GRIK4: variants seen among roughly 807,000 people sequenced by gnomAD.
The protein encoded by GRIK4 is glutamate ionotropic receptor kainate type subunit 4, also known as glutamate receptor ionotropic, kainate 4.
A neutral mutation model predicts 104.9 loss-of-function variants in GRIK4; 40 were observed. That is an observed-to-expected ratio of 0.38 (90% CI 0.30 to 0.50). The LOEUF (loss-of-function observed/expected upper bound fraction) is 0.50. GRIK4 is among the 20% of genes least tolerant of loss of function. The pLI is 0.93. For synonymous variants in GRIK4, 485 were observed against 524.9 expected (o/e 0.92, Z 1.04); for missense variants, 1,047 against 1,308.1 (o/e 0.80, Z 3.08).
chr11:120,546,356 G>A (rs2252490), intron 1 of GRIK4, among the ~76,000 whole-genome samples: 2 of 151,914 alleles, frequency 1.3e-5, no homozygotes, highest in East Asian at 1.9e-4. Context: ...CCGGAAAAGT[G>A]GTCAGGGGCA....
intron 1 of GRIK4, among the ~76,000 whole-genome samples, chr11:120,565,926 C>G (rs1948316419): frequency 6.6e-6 from 1 of 152,154 alleles, no homozygotes; most frequent in African/African-American, 2.4e-5. Context: ...CGTGGTTATT[C>G]TGGGCTTGGG....
chr11:120,671,204 T>G (rs973723175), intron 3 of GRIK4, among the ~76,000 whole-genome samples: 1 of 152,182 alleles, frequency 6.6e-6, no homozygotes, highest in African/African-American at 2.4e-5. Flanking sequence ...TTATAATCCT[T>G]TGGGTATATA....
chr11:120,763,347 G>T (rs1951781309), intron 3 of GRIK4, among the ~76,000 whole-genome samples: 1 of 151,886 alleles, frequency 6.6e-6, no homozygotes, highest in Admixed American at 6.6e-5. Flanking sequence ...TTCTTTATTA[G>T]TCTGGTTAGT....
chr11:120,987,292 G>A lies in GRIK4; in HGVS notation c.*1032G>A, dbSNP rs1944771938. On this transcript the variant is annotated 3_prime_UTR_variant, in exon 21 of 21. Transcript: ENST00000527524. ...AACGTGCCGTTCACAGAGGCGGAAG[G>A]ACTGGGCCACCCCGTTGGTATGGTG... is the stretch of plus-strand genomic sequence containing the variant. 6.6e-6 allele frequency: 1 copy of A among 152,228 alleles called. No individual in the cohort carries two copies. The highest frequency in any genetic ancestry group is 2.4e-5 in the African/African-American group (1 of 41,460). 9.4% of individuals were successfully genotyped at this position (152,228 alleles called of 1,614,324 possible).
chr11:120,868,560 A>C (rs76534762), intron 9 of GRIK4: 1 of 149,320 alleles, frequency 6.7e-6, no homozygotes, highest in Non-Finnish European at 1.5e-5. Flanking sequence ...CCTTCCCCTG[A>C]TGAGCCCAGA....
chr11:120,707,647 A>G (rs554983861), intron 3 of GRIK4, among the ~76,000 whole-genome samples: 1 of 152,364 alleles, frequency 6.6e-6, no homozygotes, highest in South Asian at 2.1e-4. Flanking sequence ...TACTTTGGGC[A>G]AGGCTCAGTA....
Position 120,940,316 on chromosome 11 carries a change from C to G in GRIK4, c.1477-31C>G, listed in dbSNP as rs767516714. 2 of 1,388,302 alleles carry G rather than the reference C, an allele frequency of 1.4e-6. No homozygotes were observed. The highest frequency in any genetic ancestry group is 2.9e-5 in the African/African-American group (2 of 70,174). The allele number at this position is 1,388,302 out of a possible 1,614,324, so 86.0% of individuals were successfully genotyped here. A position where few individuals can be genotyped will look rare whatever the true frequency, so the allele number is the denominator to read the frequency against. ...TCTGTGCCTCTTCTCCTATGGCCAC[C>G]CCACTGACGGGCTGTCTCTGTTCTT... On this transcript the variant is annotated intron_variant, in intron 13 of 20. Coordinates refer to ENST00000527524, the MANE Select transcript of GRIK4 (RefSeq NM_014619.5). The surrounding 1 kb of genome is among the most constrained non-coding windows in gnomAD (Gnocchi z 4.3).
chr11:120,714,397 AT>A (rs1006371035), intron 3 of GRIK4, among the ~76,000 whole-genome samples: 1 of 151,978 alleles, frequency 6.6e-6, no homozygotes, highest in Non-Finnish European at 1.5e-5. Context: ...CGCGCTATTT[AT>A]TTTTTCTTTC....
At chr11:120,802,964 G>T (rs1368133197) in intron 4 of GRIK4, 107 bp downstream of exon 4, 1 of 959,234 alleles carries the variant, frequency 1.0e-6, no homozygotes, top group African/African-American at 1.6e-5. Flanking sequence ...ATCTGATGTC[G>T]ATATTTCCAG....
chr11:120,902,495 C>A lies in GRIK4; in HGVS notation c.1273-2795C>A, dbSNP rs1942763455. Among the ~76,000 whole-genome samples the A allele has an allele frequency of 6.6e-6, 1 of 152,138 alleles. No individual in the cohort carries two copies. Among genetic ancestry groups the A allele is most frequent in the Non-Finnish European group, 1.5e-5 (1 of 68,028 alleles). ...AATTTGTGACACCCCTTGGGACAAT[C>A]AAAGATACAATGGGACATTACCAGT... On this transcript the variant is annotated intron_variant, in intron 12 of 20. Transcript: ENST00000527524. The surrounding 1 kb of genome is among the most constrained non-coding windows in gnomAD (Gnocchi z 4.5).
chr11:120,912,345 G>A (rs1943018372), intron 13 of GRIK4, among the ~76,000 whole-genome samples: 1 of 152,204 alleles, frequency 6.6e-6, no homozygotes, highest in East Asian at 1.9e-4. Flanking sequence ...GCAGGCTGAA[G>A]GCGTAGACTG....
chr11:120,536,480 C>T (rs1361216030), intron 1 of GRIK4, among the ~76,000 whole-genome samples: 1 of 152,206 alleles, frequency 6.6e-6, no homozygotes, highest in African/African-American at 2.4e-5. Context: ...GCTGGTTGAA[C>T]AATTGGACCT....
intron 3 of GRIK4, among the ~76,000 whole-genome samples, chr11:120,787,028 T>C (rs1952293284): frequency 6.6e-6 from 1 of 152,216 alleles, no homozygotes; most frequent in African/African-American, 2.4e-5. Flanking sequence ...ATTAAAATCA[T>C]AGTATTTGAC....
intron 3 of GRIK4, among the ~76,000 whole-genome samples, chr11:120,774,648 G>T (rs1952006814): frequency 6.6e-6 from 1 of 152,120 alleles, no homozygotes; most frequent in South Asian, 2.1e-4. Flanking sequence ...CCTTCATCTA[G>T]ACTGGTGTTT....
chr11:120,661,303 G>A (rs1318860589), intron 3 of GRIK4, among the ~76,000 whole-genome samples: 3 of 152,156 alleles, frequency 2.0e-5, no homozygotes, highest in Non-Finnish European at 4.4e-5. Context: ...AACCCAGAAA[G>A]GTAGGTTGAT....
rs192234798 is a variant in GRIK4 at position 120,763,001 on chromosome 11, A to G, written c.83-39692A>G. The stretch of plus-strand genomic sequence containing the variant: ...AGTCCCCCTTTTTCTATTGTTTGGA[A>G]TAATTTCAGAAGGAATGGTACCAGC... On this transcript the variant is annotated intron_variant, in intron 3 of 20. Coordinates refer to ENST00000527524, the MANE Select transcript of GRIK4 (RefSeq NM_014619.5). Among the ~76,000 whole-genome samples the G allele has an allele frequency of 1.7e-4, 26 of 152,276 alleles. No homozygotes were observed. The East Asian group carries it at 5.0e-3, about 29-fold the overall frequency.
At chr11:120,668,947 G>A (rs1465601618) in intron 3 of GRIK4, among the ~76,000 whole-genome samples, 1 of 152,208 alleles carries the variant, frequency 6.6e-6, no homozygotes, top group Non-Finnish European at 1.5e-5. Context: ...TACAGTAAGT[G>A]CTATGAAAGT....
chr11:120,631,085 G>T (rs949279102), intron 1 of GRIK4, among the ~76,000 whole-genome samples: 5 of 152,208 alleles, frequency 3.3e-5, no homozygotes, highest in African/African-American at 1.2e-4. Flanking sequence ...CCTGCCTTTC[G>T]GGGATATTGT....
At chr11:120,628,774 G>T (rs918399162) in intron 1 of GRIK4, among the ~76,000 whole-genome samples, 7 of 152,210 alleles carry the variant, frequency 4.6e-5, no homozygotes, top group African/African-American at 1.7e-4. Context: ...TCCAGTGAGG[G>T]TGAGAAACCT....
Sources: gnomAD v4.1 joint callset for allele counts (sites outside exome capture counted in the v4.1 genomes callset) on GRCh38, gnomAD v4.1.1 for gene constraint, Gnocchi (gnomAD v3.1) non-coding constraint, MANE v1.5 for transcripts, NCBI Gene and HGNC (gene_info 2026-07-23, HGNC 2026-07-21) for gene names.